The following LAMB4 variants were observed in gnomAD, a reference collection of about 807,000 sequenced individuals.
LAMB4 encodes the protein laminin subunit beta-4.
Under a neutral mutation model 199.2 loss-of-function variants are expected in LAMB4, and 196 were observed. The ratio of observed to expected loss-of-function variants is 0.98; its 90% confidence interval spans 0.88 to 1.11. LAMB4 has a LOEUF of 1.11. LAMB4 is among the 50% of genes least tolerant of loss of function. The probability of loss-of-function intolerance (pLI) is 0.00; values close to 1 mark genes in which losing one functional copy is unlikely to be tolerated. For synonymous variants in LAMB4, 744 were observed against 770.6 expected, an observed-to-expected ratio of 0.97 and a Z score of 0.57; for missense variants, 2,080 against 2,171.2, an observed-to-expected ratio of 0.96 and a Z score of 0.83.
chr7:108,087,519 G>A (rs1210279150), intron 14 of LAMB4, among the ~76,000 whole-genome samples: 1 of 152,240 alleles, frequency 6.6e-6, no homozygotes, highest in African/African-American at 2.4e-5. Flanking sequence ...TGACTTTCGT[G>A]AATAACAAGG....
chr7:108,112,032 A>G (rs369508), intron 3 of LAMB4, 86 bp from the exon 4 acceptor site: 448,912 of 1,070,430 alleles, frequency 0.42, 95,196 homozygotes, highest in Non-Finnish European at 0.43. Flanking sequence ...TACATACTAT[A>G]TTTGTCTTCC....
intron 29 of LAMB4, among the ~76,000 whole-genome samples, chr7:108,042,168 T>C (rs745541095): frequency 3.3e-5 from 5 of 152,060 alleles, no homozygotes. Context: ...GTGGAGGGCA[T>C]TGCAAGGCAT....
At chr7:108,071,934 CTT>C (rs546301703) in intron 17 of LAMB4, among the ~76,000 whole-genome samples, 8 of 145,882 alleles carry the variant, frequency 5.5e-5, no homozygotes, top group East Asian at 2.0e-4. Flanking sequence ...AAAATCTGAA[CTT>C]TTTTTTTTTT....
intron 10 of LAMB4, among the ~76,000 whole-genome samples, chr7:108,101,012 A>G (rs1255807698): frequency 6.6e-6 from 1 of 152,238 alleles, no homozygotes; most frequent in African/African-American, 2.4e-5. Context: ...AATCTAGGAC[A>G]TTGAATCTAT....
At chr7:108,089,004 A>T (rs2037294041) in intron 14 of LAMB4, among the ~76,000 whole-genome samples, 1 of 152,354 alleles carries the variant, frequency 6.6e-6, no homozygotes, top group Non-Finnish European at 1.5e-5. Context: ...AATACAGGCC[A>T]TACAGGGGTT....
rs763751423 is a variant in LAMB4 at position 108,116,073 on chromosome 7, C to A, written c.123G>T (p.Thr41=). The A allele has an allele frequency of 2.5e-6, 4 of 1,613,936 alleles. No individual in the cohort carries two copies. Among genetic ancestry groups the A allele is most frequent in the Admixed American group, 3.3e-5 (2 of 59,986 alleles). The stretch of plus-strand genomic sequence containing the variant: ...CACAGGTAGAAGAAGCCATAAGCTG[C>A]GTGTTCCTGCCCACCAGGAGATCAC... ...TTGDLLVGRN[T]QLMASSTCGL... is the part of the protein sequence containing the mutation. The change falls in exon 3 of 34, where the codon ACG becomes ACT. Residue 41 remains threonine (T), a synonymous_variant. Coordinates refer to ENST00000388781, the MANE Select transcript of LAMB4 (RefSeq NM_007356.3).
rs1478862067 is a variant in LAMB4 at position 108,045,801 on chromosome 7, A to G, written c.4327-1905T>C. ...GTGGATATTTGTTAAAGCAATGAAG[A>G]ACGACATGTGAATGGAAAATGATGT... On this transcript the variant is annotated intron_variant, in intron 28 of 33. Transcript: ENST00000388781. Among the ~76,000 whole-genome samples, 3 of 152,236 alleles carry G rather than the reference A, an allele frequency of 2.0e-5. No individual in the cohort carries two copies. The South Asian group carries it at 6.2e-4, about 32-fold the overall frequency.
chr7:108,062,683 T>C (rs1030928383), intron 23 of LAMB4, 91 bp downstream of exon 23: 1 of 696,928 alleles, frequency 1.4e-6, no homozygotes, highest in African/African-American at 1.9e-5. Flanking sequence ...TTAACAACAG[T>C]ACATAAAAGA....
chr7:108,022,510 T>G (rs144718524), downstream of LAMB4, among the ~76,000 whole-genome samples: 36 of 152,336 alleles, frequency 2.4e-4, 1 homozygote, highest in African/African-American at 7.5e-4. Context: ...CTTGAACAAC[T>G]GATACAGCAA....
At chr7:108,079,420 A>G (rs2036839569) in intron 15 of LAMB4, among the ~76,000 whole-genome samples, 181 bp downstream of exon 15, 1 of 152,234 alleles carries the variant, frequency 6.6e-6, no homozygotes, top group Non-Finnish European at 1.5e-5. Context: ...GCATGCATGC[A>G]TATGGCTCAC....
chr7:108,056,009 TA>T lies in LAMB4; in HGVS notation c.3380-3del. On this transcript the variant is annotated splice_region_variant and splice_polypyrimidine_tract_variant and intron_variant, in intron 24 of 33. Coordinates refer to ENST00000388781, the MANE Select transcript of LAMB4 (RefSeq NM_007356.3). ...TACCTGCCCTGTTACAATCACATGC[TA>T]AAAAGGAAAACAGAAGGAGCAGAGA... The T allele has an allele frequency of 6.3e-7, 1 of 1,598,926 alleles. No individual in the cohort carries two copies. Among genetic ancestry groups the T allele is most frequent in the Non-Finnish European group, 8.5e-7 (1 of 1,171,628 alleles).
At chr7:108,046,236 ATT>A (rs559845089) in intron 28 of LAMB4, among the ~76,000 whole-genome samples, 1,925 of 132,754 alleles carry the variant, frequency 0.015, 37 homozygotes, top group African/African-American at 0.05. Flanking sequence ...TCCTGGCTAA[ATT>A]TTTTTTTTTT....
rs2036246579 is a variant in LAMB4 at position 108,063,822 on chromosome 7, G to A, written c.3000C>T (p.Gly1000=). ...CTGGTTTGCAGAGCTGGCAGTTTGC[G>A]CCCTGAGTGTTGTGCAAACATCGAA... ...ECLRCLHNTQ[G]ANCQLCKPGH... Residue 1000 remains glycine (G), a synonymous_variant, in exon 22 of 34, where the codon GGC becomes GGT. Transcript: ENST00000388781. 8.1e-6 allele frequency: 13 copies of A among 1,614,050 alleles called. No homozygotes were observed. Among genetic ancestry groups the A allele is most frequent in the East Asian group, 2.2e-5 (1 of 44,894 alleles).
At chr7:108,108,630 G>A (rs1166226400) in intron 5 of LAMB4, among the ~76,000 whole-genome samples, 1 of 150,672 alleles carries the variant, frequency 6.6e-6, no homozygotes, top group Non-Finnish European at 1.5e-5. Context: ...ACTAGATTGT[G>A]AGTTCTTTGG....
intron 33 of LAMB4, among the ~76,000 whole-genome samples, chr7:108,025,402 TTTC>T (rs755052508): frequency 0.01 from 1,244 of 124,350 alleles, 51 homozygotes; most frequent in African/African-American, 0.045. Context: ...TCTTTCTTTC[TTTC>T]TTTCTTTCTT....
At chr7:108,012,026 G>A in the LAMB4 span, among the ~76,000 whole-genome samples, 1 of 150,850 alleles carries the variant, frequency 6.6e-6, no homozygotes, top group African/African-American at 2.4e-5. Flanking sequence ...CATAGCAAAT[G>A]TTAACATAAT....
intron 10 of LAMB4, among the ~76,000 whole-genome samples, chr7:108,100,404 A>T (rs1415227380): frequency 6.6e-6 from 1 of 152,244 alleles, no homozygotes; most frequent in Non-Finnish European, 1.5e-5. Flanking sequence ...AATTCTAATC[A>T]ATCTTCAAAT....
At chr7:108,116,867 C>T (rs560085822) in intron 2 of LAMB4, among the ~76,000 whole-genome samples, 12 of 152,120 alleles carry the variant, frequency 7.9e-5, no homozygotes, top group African/African-American at 2.9e-4. Flanking sequence ...ACTCCCATCT[C>T]CACAAAAAAA....
chr7:108,055,002 G>C (rs1364168223), intron 25 of LAMB4, among the ~76,000 whole-genome samples: 1 of 152,060 alleles, frequency 6.6e-6, no homozygotes, highest in African/African-American at 2.4e-5. Context: ...TTTTCCCTAG[G>C]TGTATCATTG....
Sources: allele counts gnomAD v4.1 joint callset (sites outside exome capture counted in the v4.1 genomes callset), GRCh38; gene constraint gnomAD v4.1.1; transcripts MANE v1.5; gene names NCBI Gene and HGNC (gene_info 2026-07-23, HGNC 2026-07-21).